RAB38: variants seen among roughly 807,000 people sequenced by gnomAD.
RAB38 encodes RAB38, member RAS oncogene family.
Under a neutral mutation model 18.4 loss-of-function variants are expected in RAB38, and 15 were observed. The observed-to-expected ratio is 0.82, with a 90% CI of 0.55 to 1.26. The LOEUF is 1.26. Among genes scored for constraint, RAB38 ranks in the 50% most tolerant of loss-of-function variants. The pLI is 0.00. For missense variants in RAB38, 294 were observed against 267.4 expected (o/e 1.10, Z -0.69); for synonymous variants, 101 against 104.4 (o/e 0.97, Z 0.20).
the RAB38 span, among the ~76,000 whole-genome samples, chr11:88,027,029 G>C: frequency 2.0e-5 from 3 of 152,112 alleles, no homozygotes; most frequent in Non-Finnish European, 4.4e-5. Flanking sequence ...TTGACACTGA[G>C]TTTGCTAAAT....
the RAB38 span, among the ~76,000 whole-genome samples, chr11:88,107,108 CT>C: frequency 6.6e-6 from 1 of 152,022 alleles, no homozygotes; most frequent in East Asian, 1.9e-4. Context: ...TGTGGTTCCA[CT>C]TTTTTTTCTT....
chr11:87,926,522 T>C, the RAB38 span, among the ~76,000 whole-genome samples: 4 of 151,760 alleles, frequency 2.6e-5, no homozygotes, highest in Admixed American at 2.6e-4. Flanking sequence ...TTTTGTTTGT[T>C]TGTTTGTTTG....
At chr11:88,112,611 T>TA (rs1408474612), downstream of RAB38, among the ~76,000 whole-genome samples, 7 of 151,986 alleles carry the variant, frequency 4.6e-5, no homozygotes, top group Non-Finnish European at 8.8e-5. Flanking sequence ...TCGTCTCTAT[T>TA]AAAAATACAA....
chr11:87,810,727 TA>T, the RAB38 span, among the ~76,000 whole-genome samples: 2 of 151,814 alleles, frequency 1.3e-5, no homozygotes, highest in Non-Finnish European at 2.9e-5. Context: ...AGTCTACTCA[TA>T]AATCTTTCTT....
At chr11:88,063,123 G>T in the RAB38 span, among the ~76,000 whole-genome samples, 135 of 152,216 alleles carry the variant, frequency 8.9e-4, no homozygotes, top group African/African-American at 3.2e-3. Context: ...AGAGAGTCAT[G>T]GTGGGGGTAG....
chr11:88,054,377 T>C, the RAB38 span, among the ~76,000 whole-genome samples: 1 of 152,206 alleles, frequency 6.6e-6, no homozygotes, highest in Non-Finnish European at 1.5e-5. Context: ...ATAAAACATG[T>C]AATACTTCAA....
At chr11:87,932,126 T>A in the RAB38 span, among the ~76,000 whole-genome samples, 1 of 151,726 alleles carries the variant, frequency 6.6e-6, no homozygotes, top group Admixed American at 6.6e-5. Flanking sequence ...AATAAGAGAT[T>A]CAAGGGGGGC....
the RAB38 span, among the ~76,000 whole-genome samples, chr11:87,922,014 C>G: frequency 6.6e-6 from 1 of 151,970 alleles, no homozygotes; most frequent in Non-Finnish European, 1.5e-5. Flanking sequence ...TTCTCAAAAG[C>G]ACCTGTACCC....
chr11:87,854,848 G>T, the RAB38 span, among the ~76,000 whole-genome samples: 1 of 152,128 alleles, frequency 6.6e-6, no homozygotes, highest in Non-Finnish European at 1.5e-5. Context: ...AGGCTGGAGT[G>T]CAGTGGTGTG....
chr11:88,110,584 C>T (rs1282942576), downstream of RAB38, among the ~76,000 whole-genome samples: 2 of 151,808 alleles, frequency 1.3e-5, no homozygotes, highest in Admixed American at 6.6e-5. Flanking sequence ...GTTGGGAGGC[C>T]GAGGTGGGCA....
the RAB38 span, among the ~76,000 whole-genome samples, chr11:87,896,335 T>A: frequency 6.6e-6 from 1 of 151,692 alleles, no homozygotes; most frequent in Non-Finnish European, 1.5e-5. Flanking sequence ...ACAAGATGTC[T>A]GTACCAAAAG....
the RAB38 span, among the ~76,000 whole-genome samples, chr11:87,904,743 G>C: frequency 1.3e-5 from 2 of 151,622 alleles, no homozygotes; most frequent in Admixed American, 1.3e-4. Flanking sequence ...GCCAGCATCT[G>C]TTGTTTTTTT....
intron 1 of RAB38, among the ~76,000 whole-genome samples, chr11:88,167,907 G>A (rs1191905550): frequency 6.6e-6 from 1 of 152,084 alleles, no homozygotes; most frequent in Admixed American, 6.5e-5. Flanking sequence ...ATTCTTCTGG[G>A]AATATGCATC....
chr11:88,055,799 G>T, the RAB38 span, among the ~76,000 whole-genome samples: 1 of 152,198 alleles, frequency 6.6e-6, no homozygotes. Flanking sequence ...TTCAGCATGA[G>T]AAATTTAACA....
intron 1 of RAB38, among the ~76,000 whole-genome samples, chr11:88,155,253 T>C (rs895323303): frequency 6.6e-6 from 1 of 152,184 alleles, no homozygotes; most frequent in African/African-American, 2.4e-5. Flanking sequence ...CAGACCACTG[T>C]GCGTTCCAAG....
chr11:87,908,540 T>A, the RAB38 span, among the ~76,000 whole-genome samples: 65 of 152,204 alleles, frequency 4.3e-4, no homozygotes, highest in African/African-American at 1.5e-3. Context: ...TTACTTACTC[T>A]GAATTAATCA....
the RAB38 span, among the ~76,000 whole-genome samples, chr11:88,079,016 C>T: frequency 6.6e-6 from 1 of 151,334 alleles, no homozygotes; most frequent in South Asian, 2.1e-4. Flanking sequence ...TATTATGTAT[C>T]AATTAAAAAA....
the RAB38 span, among the ~76,000 whole-genome samples, chr11:87,874,232 T>C: frequency 6.6e-6 from 1 of 151,334 alleles, no homozygotes; most frequent in South Asian, 2.1e-4. Context: ...ATTGTTCATA[T>C]TGTGTGAAGT....
chr11:88,008,742 C>T, the RAB38 span, among the ~76,000 whole-genome samples: 1 of 152,228 alleles, frequency 6.6e-6, no homozygotes, highest in African/African-American at 2.4e-5. Flanking sequence ...GGCGCCATCT[C>T]GGCTCACTGC....
Sources: gnomAD v4.1 joint callset for allele counts (sites outside exome capture counted in the v4.1 genomes callset) on GRCh38, gnomAD v4.1.1 for gene constraint, MANE v1.5 for transcripts, NCBI Gene and HGNC (gene_info 2026-07-23, HGNC 2026-07-21) for gene names.